The following ZFYVE28 variants were observed in gnomAD, a reference collection of about 807,000 sequenced individuals.
The protein encoded by ZFYVE28 is zinc finger FYVE-type containing 28, also known as lateral signaling target protein 2 homolog.
Under a neutral mutation model 82.1 loss-of-function variants are expected in ZFYVE28, and 40 were observed. The ratio of observed to expected loss-of-function variants is 0.49; its 90% CI spans 0.38 to 0.63. ZFYVE28 has a LOEUF of 0.63. Among genes scored for constraint, ZFYVE28 ranks in the 30% least tolerant of loss-of-function variants. The pLI is 0.00. For synonymous variants in ZFYVE28, 612 were observed against 546.1 expected (o/e 1.12, Z -1.68); for missense variants, 1,321 against 1,242.1 (o/e 1.06, Z -0.96).
intron 7 of ZFYVE28, among the ~76,000 whole-genome samples, chr4:2,307,269 T>G (rs1295104789): frequency 2.6e-5 from 4 of 152,240 alleles, no homozygotes; most frequent in Non-Finnish European, 5.9e-5. Context: ...TCTTATTGAT[T>G]GAGTTCTTTA....
intron 2 of ZFYVE28, among the ~76,000 whole-genome samples, chr4:2,352,023 C>T (rs1724538292): frequency 1.3e-5 from 2 of 152,186 alleles, no homozygotes. Flanking sequence ...TCTGCACATA[C>T]TCAAGTCCCA....
chr4:2,271,014 G>A (rs548342506), intron 12 of ZFYVE28, 158 bp from the exon 13 acceptor site: 4 of 1,105,754 alleles, frequency 3.6e-6, no homozygotes, highest in Admixed American at 2.3e-5. Context: ...CAGGAGGCTG[G>A]ACTCTATGAG....
At chr4:2,274,869 TGG>T (rs1736260211) in intron 8 of ZFYVE28, among the ~76,000 whole-genome samples, 1 of 135,812 alleles carries the variant, frequency 7.4e-6, no homozygotes, top group African/African-American at 3.7e-5. Flanking sequence ...CCCCAGAAGC[TGG>T]GAGAGGCGAG....
In ZFYVE28 at chr4:2,350,381, G is replaced by A. The variant is rs192001091; in HGVS notation, c.180+3552C>T. On this transcript the variant is annotated intron_variant, in intron 2 of 12. Coordinates refer to ENST00000290974, the MANE Select transcript of ZFYVE28 (RefSeq NM_020972.3). ...CGGGAGGCTGAGGCAGGAGAATGGT[G>A]TGAACCTGGGAGGCGGAACTTGGAC... Among the ~76,000 whole-genome samples the A allele has an allele frequency of 1.8e-3, 276 of 152,038 alleles. 2 individuals carry two copies. In the Middle Eastern group the frequency reaches 0.027, roughly 15 times the overall value.
intron 1 of ZFYVE28, among the ~76,000 whole-genome samples, chr4:2,402,373 C>T (rs1338140363): frequency 1.3e-5 from 2 of 152,230 alleles, no homozygotes; most frequent in Non-Finnish European, 2.9e-5. Flanking sequence ...CCGCCCGCTG[C>T]AGGAGCAGAA....
At chr4:2,280,752 C>G (rs760640846) in intron 8 of ZFYVE28, among the ~76,000 whole-genome samples, 1 of 152,218 alleles carries the variant, frequency 6.6e-6, no homozygotes, top group Admixed American at 6.5e-5. Flanking sequence ...CCCTCGGGCC[C>G]TGCCTGTGGC....
rs917603156 is a variant in ZFYVE28, at chr4:2,417,829, C to T, written c.39+456G>A. Among the ~76,000 whole-genome samples the T allele has an allele frequency of 6.6e-6, 1 of 150,934 alleles. No individual in the cohort carries two copies. The highest frequency in any genetic ancestry group is 1.5e-5 in the Non-Finnish European group (1 of 67,784). ...GTGCGGAGGGAGATCTATTCCGGGC[C>T]CAGGACAATGGGGGTGGGGGCAGGA... On this transcript the variant is annotated intron_variant, in intron 1 of 12. Transcript: ENST00000290974. The surrounding 1 kb of genome is among the most constrained non-coding windows in gnomAD (Gnocchi z 4.8).
intron 6 of ZFYVE28, chr4:2,330,833 C>A: frequency 1.3e-6 from 2 of 1,530,646 alleles, no homozygotes; most frequent in Non-Finnish European, 1.7e-6. Context: ...CCCAGGGCAG[C>A]GGGTGCGTGG....
rs1469443321 is a variant in ZFYVE28 at position 2,304,574 on chromosome 4, C to G, written c.1766G>C (p.Gly589Ala). 1.9e-6 allele frequency: 3 copies of G among 1,612,562 alleles called. No individual in the cohort carries two copies. The Admixed American group carries it at 5.0e-5, about 27-fold the overall frequency. ...GGCAGCGTACGAGGCACCAATGACG[C>G]CTCCCGGGCTGCACTTCTCCCGCAG... ...ERLREKCSPG[G>A]VIGASYAAGL... is the part of the protein sequence containing the mutation. The change falls in exon 8 of 13, where the codon GGC becomes GCC. Residue 589 changes from glycine (G) to alanine (A), a missense_variant. Coordinates refer to ENST00000290974, the MANE Select transcript of ZFYVE28 (RefSeq NM_020972.3).
chr4:2,352,429 G>T (rs934517514), intron 2 of ZFYVE28, among the ~76,000 whole-genome samples: 1 of 151,870 alleles, frequency 6.6e-6, no homozygotes, highest in East Asian at 1.9e-4. Context: ...AGGGGGAGGC[G>T]TGGAAGAGGG....
intron 1 of ZFYVE28, among the ~76,000 whole-genome samples, chr4:2,411,427 T>C (rs1039466868): frequency 3.9e-5 from 6 of 152,246 alleles, no homozygotes; most frequent in African/African-American, 1.4e-4. Flanking sequence ...AAAATATCCA[T>C]TCACTTTTGT....
chr4:2,307,826 C>T (rs1716818819), intron 7 of ZFYVE28, among the ~76,000 whole-genome samples: 1 of 152,162 alleles, frequency 6.6e-6, no homozygotes, highest in African/African-American at 2.4e-5. Flanking sequence ...TATATCTACA[C>T]TCTGTCTGGA....
intron 1 of ZFYVE28, among the ~76,000 whole-genome samples, chr4:2,365,572 G>A (rs559197754): frequency 6.6e-6 from 1 of 152,108 alleles, no homozygotes; most frequent in Admixed American, 6.5e-5. Flanking sequence ...CCCACCCTTT[G>A]GTGGGAGCCC....
chr4:2,365,314 A>G (rs1262745484), intron 1 of ZFYVE28, among the ~76,000 whole-genome samples: 1 of 151,714 alleles, frequency 6.6e-6, no homozygotes, highest in Admixed American at 6.6e-5. Flanking sequence ...GGCGCCTGTC[A>G]CTCGAGCCTG....
At chr4:2,319,349 C>G (rs1417564672) in intron 7 of ZFYVE28, among the ~76,000 whole-genome samples, 1 of 152,182 alleles carries the variant, frequency 6.6e-6, no homozygotes, top group East Asian at 1.9e-4. Flanking sequence ...CCACTGACGC[C>G]AAGGACCACC....
chr4:2,412,312 G>C (rs1158214249), intron 1 of ZFYVE28, among the ~76,000 whole-genome samples: 1 of 152,148 alleles, frequency 6.6e-6, no homozygotes, highest in Non-Finnish European at 1.5e-5. Context: ...CTAAACGTTG[G>C]TTCTGTGGAA....
chr4:2,327,777 A>AT (rs1012340855), intron 6 of ZFYVE28, among the ~76,000 whole-genome samples: 21 of 152,320 alleles, frequency 1.4e-4, no homozygotes, highest in African/African-American at 4.6e-4. Flanking sequence ...CATTTCAGGG[A>AT]TAAAAACATT....
intron 10 of ZFYVE28, 83 bp from the exon 11 acceptor site, chr4:2,271,862 TG>T: frequency 1.5e-6 from 2 of 1,328,246 alleles, no homozygotes; most frequent in Non-Finnish European, 1.1e-6. Context: ...TGGGCACAGC[TG>T]GGGGCTTCCA....
chr4:2,373,891 A>C (rs1373313427), intron 1 of ZFYVE28, among the ~76,000 whole-genome samples: 2 of 152,190 alleles, frequency 1.3e-5, no homozygotes, highest in Non-Finnish European at 2.9e-5. Flanking sequence ...ATTCCTGCCC[A>C]GGCCCTCCCT....
Sources: gnomAD v4.1 joint callset for allele counts (sites outside exome capture counted in the v4.1 genomes callset) on GRCh38, gnomAD v4.1.1 for gene constraint, Gnocchi (gnomAD v3.1) non-coding constraint, MANE v1.5 for transcripts, NCBI Gene and HGNC (gene_info 2026-07-23, HGNC 2026-07-21) for gene names.